The following PIERCE2 variants were observed in gnomAD, a reference collection of about 807,000 sequenced individuals.
PIERCE2 encodes the protein piercer of microtubule wall 2 protein.
chr15:55,409,600 T>G, the PIERCE2 span, among the ~76,000 whole-genome samples: 24 of 152,158 alleles, frequency 1.6e-4, no homozygotes, highest in African/African-American at 5.6e-4. Context: ...CCTTTTTTAT[T>G]TTTTATTTTT....
the PIERCE2 span, among the ~76,000 whole-genome samples, chr15:55,409,623 A>T: frequency 6.6e-6 from 1 of 152,182 alleles, no homozygotes; most frequent in African/African-American, 2.4e-5. Flanking sequence ...TTTTCTATTA[A>T]CTATATTCAA....
At chr15:55,418,024 C>A in the PIERCE2 span, 1 of 1,022,870 alleles carries the variant, frequency 9.8e-7, no homozygotes, top group Non-Finnish European at 1.4e-6. Context: ...TTTTGTGATT[C>A]TTCACTTGCT....
At chr15:55,409,729 T>C in the PIERCE2 span, among the ~76,000 whole-genome samples, 1 of 152,330 alleles carries the variant, frequency 6.6e-6, no homozygotes, top group South Asian at 2.1e-4. Flanking sequence ...TCTTTTTAAA[T>C]GTATATGTAT....
the PIERCE2 span, chr15:55,410,978 C>G: frequency 6.6e-6 from 1 of 152,180 alleles, no homozygotes; most frequent in African/African-American, 2.4e-5. Flanking sequence ...GAATAAACAG[C>G]AAGATCTGAT....
chr15:55,408,752 A>C, the PIERCE2 span: 1 of 1,528,424 alleles, frequency 6.5e-7, no homozygotes. Flanking sequence ...CGAAAAAATT[A>C]ACAAAGAAGA....
chr15:55,413,314 ATG>A, the PIERCE2 span, among the ~76,000 whole-genome samples: 1 of 151,900 alleles, frequency 6.6e-6, no homozygotes, highest in Admixed American at 6.6e-5. Context: ...GGTGGTGTGC[ATG>A]TAGTCCTAGC....
At chr15:55,415,142 G>A in the PIERCE2 span, among the ~76,000 whole-genome samples, 908 of 152,084 alleles carry the variant, frequency 6.0e-3, 9 homozygotes, top group African/African-American at 0.021. Context: ...AGGACAAGCC[G>A]CAGACAAAAC....
the PIERCE2 span, chr15:55,408,734 G>A: frequency 1.3e-6 from 2 of 1,515,296 alleles, no homozygotes; most frequent in African/African-American, 1.4e-5. Flanking sequence ...CATGAAAACT[G>A]ACTTTGCCGA....
At chr15:55,418,535 A>G in the PIERCE2 span, 7 of 1,507,856 alleles carry the variant, frequency 4.6e-6, no homozygotes, top group Non-Finnish European at 5.3e-6. Context: ...CAGAACCAGA[A>G]CTCTTGATTT....
the PIERCE2 span, among the ~76,000 whole-genome samples, chr15:55,413,263 G>A: frequency 2.8e-5 from 4 of 140,922 alleles, no homozygotes; most frequent in South Asian, 2.2e-4. Flanking sequence ...GTGAGACTCC[G>A]TCTCAAAAAA....
the PIERCE2 span, chr15:55,411,121 G>C: frequency 6.6e-6 from 1 of 152,148 alleles, no homozygotes; most frequent in East Asian, 1.9e-4. Flanking sequence ...GTAGGTTTCA[G>C]AACTGTTTCT....
the PIERCE2 span, among the ~76,000 whole-genome samples, chr15:55,416,462 T>A: frequency 2.0e-5 from 3 of 152,122 alleles, no homozygotes; most frequent in African/African-American, 7.2e-5. Flanking sequence ...AGTGCCAAAA[T>A]TATGTATCAT....
the PIERCE2 span, among the ~76,000 whole-genome samples, chr15:55,415,966 A>C: frequency 6.6e-5 from 10 of 152,158 alleles, no homozygotes; most frequent in African/African-American, 2.4e-4. Flanking sequence ...GTTCTTTTGT[A>C]AGTAATGCTG....
At chr15:55,412,027 G>A in the PIERCE2 span, among the ~76,000 whole-genome samples, 14 of 148,186 alleles carry the variant, frequency 9.4e-5, no homozygotes, top group East Asian at 2.0e-3. Context: ...GGAGGCAGAG[G>A]TTGCAGTGAG....
the PIERCE2 span, among the ~76,000 whole-genome samples, chr15:55,416,405 C>T: frequency 3.0e-4 from 46 of 152,148 alleles, no homozygotes; most frequent in African/African-American, 9.4e-4. Flanking sequence ...CTGGACGAAA[C>T]TTGTTATATT....
At chr15:55,415,625 A>T in the PIERCE2 span, among the ~76,000 whole-genome samples, 6 of 152,266 alleles carry the variant, frequency 3.9e-5, no homozygotes, top group East Asian at 1.2e-3. Flanking sequence ...TTGAGCAAGC[A>T]GCGGGTACGT....
the PIERCE2 span, among the ~76,000 whole-genome samples, chr15:55,416,637 T>G: frequency 1.3e-5 from 2 of 152,064 alleles, no homozygotes; most frequent in Non-Finnish European, 2.9e-5. Context: ...TGAGATCCTG[T>G]GAATTCTACT....
At chr15:55,416,350 T>C in the PIERCE2 span, among the ~76,000 whole-genome samples, 351 of 152,202 alleles carry the variant, frequency 2.3e-3, 1 homozygote, top group African/African-American at 8.2e-3. Flanking sequence ...TCCGCCCACC[T>C]TGGCCTCCCA....
At chr15:55,415,453 T>C in the PIERCE2 span, among the ~76,000 whole-genome samples, 1 of 124,934 alleles carries the variant, frequency 8.0e-6, no homozygotes, top group African/African-American at 3.3e-5. Flanking sequence ...TGAAACTTCG[T>C]CTCAAAAAAA....
Sources: allele counts gnomAD v4.1 joint callset (sites outside exome capture counted in the v4.1 genomes callset), GRCh38; gene constraint gnomAD v4.1.1; transcripts MANE v1.5; gene names NCBI Gene and HGNC (gene_info 2026-07-23, HGNC 2026-07-21).